LRFN2: variants seen among roughly 807,000 people sequenced by gnomAD.
The protein encoded by LRFN2 is leucine rich repeat and fibronectin type III domain containing 2, also known as leucine-rich repeat and fibronectin type-III domain-containing protein 2.
In LRFN2, 18 loss-of-function variants were observed where a neutral mutation model predicts 37.3. The ratio of observed to expected loss-of-function variants is 0.48; its 90% CI spans 0.33 to 0.72. The LOEUF (loss-of-function observed/expected upper bound fraction) is 0.72, where lower values mean the gene tolerates loss of function less well. Among genes scored for constraint, LRFN2 ranks in the 30% least tolerant of loss-of-function variants. The pLI is 0.02. For missense variants in LRFN2, 1,006 were observed against 1,060.7 expected (o/e 0.95, Z 0.72); for synonymous variants, 556 against 466.6 (o/e 1.19, Z -2.47).
chr6:40,490,131 C>A (rs1406128610), intron 1 of LRFN2, among the ~76,000 whole-genome samples: 1 of 152,300 alleles, frequency 6.6e-6, no homozygotes, highest in South Asian at 2.1e-4. Flanking sequence ...AGTCAGACCC[C>A]GTGGAAGCAC....
At chr6:40,533,296 T>C (rs537782663) in intron 1 of LRFN2, among the ~76,000 whole-genome samples, 13 of 151,814 alleles carry the variant, frequency 8.6e-5, no homozygotes, top group Admixed American at 8.5e-4. Context: ...ATGTACCAAT[T>C]GAATTTTTAA....
intron 1 of LRFN2, among the ~76,000 whole-genome samples, chr6:40,505,423 T>C (rs1235831667): frequency 6.6e-6 from 1 of 152,220 alleles, no homozygotes; most frequent in Non-Finnish European, 1.5e-5. Context: ...AAGTATGTAA[T>C]TTCGCTCCAT....
At chr6:40,489,908 C>T (rs1380358148) in intron 1 of LRFN2, among the ~76,000 whole-genome samples, 1 of 152,178 alleles carries the variant, frequency 6.6e-6, no homozygotes, top group African/African-American at 2.4e-5. Context: ...CTCATCTCCC[C>T]ACTTGCACCA....
chr6:40,491,571 T>C, intron 1 of LRFN2, among the ~76,000 whole-genome samples: 1 of 143,650 alleles, frequency 7.0e-6, no homozygotes, highest in Non-Finnish European at 1.5e-5. Flanking sequence ...TCTGAGTGTG[T>C]TTCCCTCACT....
chr6:40,506,077 G>A (rs1324304495), intron 1 of LRFN2, among the ~76,000 whole-genome samples: 2 of 152,240 alleles, frequency 1.3e-5, no homozygotes, highest in Non-Finnish European at 2.9e-5. Flanking sequence ...GCTTGGAACT[G>A]TCACCATTTC....
At chr6:40,512,139 C>T (rs1227858809) in intron 1 of LRFN2, among the ~76,000 whole-genome samples, 1 of 152,130 alleles carries the variant, frequency 6.6e-6, no homozygotes, top group Non-Finnish European at 1.5e-5. Flanking sequence ...GTCTCCAACC[C>T]CCTTAAGGAG....
At chr6:40,475,103 G>A (rs768973777) in intron 1 of LRFN2, among the ~76,000 whole-genome samples, 1 of 152,184 alleles carries the variant, frequency 6.6e-6, no homozygotes, top group Non-Finnish European at 1.5e-5. Flanking sequence ...GCCTCCAGGG[G>A]TCAGTATGGC....
At chr6:40,586,810 A>C (rs1258372644) in intron 1 of LRFN2, 131 bp downstream of exon 1, 2 of 152,318 alleles carry the variant, frequency 1.3e-5, no homozygotes, top group Admixed American at 6.5e-5. Flanking sequence ...ATGAGCACCT[A>C]GGATGCGGGG....
At chr6:40,467,789 C>T (rs73732652) in intron 1 of LRFN2, among the ~76,000 whole-genome samples, 2,078 of 152,190 alleles carry the variant, frequency 0.014, 69 homozygotes, top group African/African-American at 0.047. Context: ...TCTTACTCAA[C>T]GGAGAGAAAC....
intron 1 of LRFN2, among the ~76,000 whole-genome samples, chr6:40,442,528 C>T (rs1456277503): frequency 6.6e-6 from 1 of 152,010 alleles, no homozygotes; most frequent in Non-Finnish European, 1.5e-5. Flanking sequence ...GACTGGGACC[C>T]TCTGAGGGTG....
chr6:40,530,370 C>T (rs1462982599), intron 1 of LRFN2, among the ~76,000 whole-genome samples: 3 of 152,220 alleles, frequency 2.0e-5, no homozygotes, highest in Middle Eastern at 3.4e-3. Flanking sequence ...TTATGGTAAG[C>T]GTGAATGGTG....
Position 40,523,505 on chromosome 6 carries a change from A to ATTTTTTT in LRFN2, c.-19+63429_-19+63435dup, listed in dbSNP as rs751179915. Among the ~76,000 whole-genome samples, 27 of 129,314 alleles carry ATTTTTTT rather than the reference A, an allele frequency of 2.1e-4. 11 individuals are homozygous for ATTTTTTT. The highest frequency in any genetic ancestry group is 1.3e-4 in the Non-Finnish European group (8 of 60,438). The allele number at this position is 129,314 out of a possible 152,430, so 84.8% of individuals were successfully genotyped here. A position where few individuals can be genotyped will look rare whatever the true frequency, so the allele number is the denominator to read the frequency against. ...TAGGACCCTAAAGCATCTTTAGGTGATTTTTTTTTTTTTTTTTTTTTTTTT... is the reference window on the plus strand; with the variant it reads ...TAGGACCCTAAAGCATCTTTAGGTGATTTTTTTTTTTTTTTTTTTTTTTTTTTTTTTT... On this transcript the variant is annotated intron_variant, in intron 1 of 2. Transcript: ENST00000338305.
chr6:40,536,646 C>T (rs567393107), intron 1 of LRFN2, among the ~76,000 whole-genome samples: 2 of 152,264 alleles, frequency 1.3e-5, no homozygotes, highest in Non-Finnish European at 2.9e-5. Flanking sequence ...GGACCCGTCC[C>T]GCAGAGTGCT....
At chr6:40,433,281 C>T (rs1483180732) in intron 1 of LRFN2, 150 bp from the exon 2 acceptor site, 1 of 560,252 alleles carries the variant, frequency 1.8e-6, no homozygotes, top group African/African-American at 1.9e-5. Context: ...CCATGAATCC[C>T]TCTAATGCAG....
At chr6:40,401,597 A>T (rs531767451) in intron 2 of LRFN2, among the ~76,000 whole-genome samples, 1 of 152,270 alleles carries the variant, frequency 6.6e-6, no homozygotes, top group African/African-American at 2.4e-5. Context: ...TCCCCTGACT[A>T]ACAGACACCC....
chr6:40,557,629 G>C (rs1462797248), intron 1 of LRFN2, among the ~76,000 whole-genome samples: 1 of 152,156 alleles, frequency 6.6e-6, no homozygotes, highest in Non-Finnish European at 1.5e-5. Context: ...TAGCTGCAGA[G>C]ATACCACAGC....
At position 40,484,490 on chromosome 6, in the gene LRFN2, C is replaced by G. The variant is rs1177849259; in HGVS notation, c.-18-51359G>C. Among the ~76,000 whole-genome samples, 3 of 152,166 alleles carry G rather than the reference C, an allele frequency of 2.0e-5. No homozygotes were observed. The East Asian group carries it at 5.8e-4, about 29-fold the overall frequency. On this transcript the variant is annotated intron_variant, in intron 1 of 2. Transcript: ENST00000338305. ...GTGCACACAAATCACCCAGGGGACC[C>G]CAGAGAAGAGCAGATCCTGATTCAG...
At chr6:40,477,647 A>G (rs1262886503) in intron 1 of LRFN2, among the ~76,000 whole-genome samples, 1 of 152,090 alleles carries the variant, frequency 6.6e-6, no homozygotes, top group African/African-American at 2.4e-5. Flanking sequence ...AGTTAGCTCC[A>G]TTTCCCTCAG....
chr6:40,414,123 T>C (rs1763041222), intron 2 of LRFN2, among the ~76,000 whole-genome samples: 1 of 152,202 alleles, frequency 6.6e-6, no homozygotes, highest in Non-Finnish European at 1.5e-5. Flanking sequence ...CCCTGCCAGC[T>C]CCTAGCTGGG....
Sources: gnomAD v4.1 joint callset for allele counts (sites outside exome capture counted in the v4.1 genomes callset) on GRCh38, gnomAD v4.1.1 for gene constraint, MANE v1.5 for transcripts, NCBI Gene and HGNC (gene_info 2026-07-23, HGNC 2026-07-21) for gene names.